RIN3: variants seen among roughly 807,000 people sequenced by gnomAD.
RIN3 encodes Ras and Rab interactor 3, also known as RAB5 interacting protein 3.
A neutral mutation model predicts 76.3 loss-of-function variants in RIN3; 54 were observed. That is an observed-to-expected ratio of 0.71 (90% CI 0.57 to 0.89). RIN3 has a LOEUF of 0.89. RIN3 is among the 40% of genes least tolerant of loss of function. RIN3 has a pLI of 0.00. For synonymous variants in RIN3, 576 were observed against 564.0 expected, an observed-to-expected ratio of 1.02 and a Z score of -0.30; for missense variants, 1,256 against 1,322.1, an observed-to-expected ratio of 0.95 and a Z score of 0.78.
At chr14:92,622,346 C>T (rs987894013) in intron 4 of RIN3, among the ~76,000 whole-genome samples, 1 of 152,194 alleles carries the variant, frequency 6.6e-6, no homozygotes, top group African/African-American at 2.4e-5. Context: ...CCCTCCAGAG[C>T]CTGCTATGAG....
In RIN3 at chr14:92,688,198, C is replaced by T. The variant is rs749641510; in HGVS notation, c.2904C>T (p.Gly968=). The T allele has an allele frequency of 3.4e-5, 47 of 1,380,230 alleles. No individual in the cohort carries two copies. The highest frequency in any genetic ancestry group is 5.3e-5 in the Admixed American group (3 of 56,530). The allele number at this position is 1,380,230 out of a possible 1,614,324, so 85.5% of individuals were successfully genotyped here. The change falls in exon 10 of 10, where the codon GGC becomes GGT. Residue 968 remains glycine (G), a synonymous_variant. Coordinates refer to ENST00000216487, the MANE Select transcript of RIN3 (RefSeq NM_024832.5). ...FVYRPLDGGG[G]GGGGSPPCLV... ...ACCGGCCCCTGGACGGTGGTGGCGGCGGCGGCGGCGGGAGCCCGCCCTGCC... is the reference window on the plus strand; with the variant it reads ...ACCGGCCCCTGGACGGTGGTGGCGGTGGCGGCGGCGGGAGCCCGCCCTGCC...
chr14:92,638,647 A>C (rs1470967931), intron 4 of RIN3, among the ~76,000 whole-genome samples: 3 of 152,174 alleles, frequency 2.0e-5, no homozygotes, highest in Non-Finnish European at 2.9e-5. Context: ...CTTGGGATGA[A>C]TGTTGCCACC....
chr14:92,574,460 G>C (rs746038938), intron 2 of RIN3, among the ~76,000 whole-genome samples: 8 of 152,340 alleles, frequency 5.3e-5, no homozygotes, highest in Non-Finnish European at 7.3e-5. Context: ...CTGGCTTCCA[G>C]GTAGCCCTTT....
intron 1 of RIN3, among the ~76,000 whole-genome samples, chr14:92,526,454 G>A (rs1896733318): frequency 6.7e-6 from 1 of 149,564 alleles, no homozygotes; most frequent in South Asian, 2.1e-4. Context: ...GTGAGACCCT[G>A]TCTTAAAAAA....
intron 6 of RIN3, among the ~76,000 whole-genome samples, chr14:92,655,026 G>C (rs1053653786): frequency 1.3e-5 from 2 of 152,116 alleles, no homozygotes; most frequent in Non-Finnish European, 2.9e-5. Context: ...TTAGCCAGGT[G>C]TGGTGGCGCG....
intron 3 of RIN3, among the ~76,000 whole-genome samples, chr14:92,604,100 G>A (rs983521126): frequency 1.3e-5 from 2 of 152,214 alleles, no homozygotes; most frequent in Non-Finnish European, 2.9e-5. Context: ...TGGGGAAGGC[G>A]CCTGCCCCTT....
intron 8 of RIN3, among the ~76,000 whole-genome samples, chr14:92,679,093 C>G (rs1888577210): frequency 6.6e-6 from 1 of 152,224 alleles, no homozygotes; most frequent in African/African-American, 2.4e-5. Flanking sequence ...GAGAGCATGT[C>G]AATTCTGGGC....
At chr14:92,585,650 GT>G (rs1428575610) in intron 3 of RIN3, among the ~76,000 whole-genome samples, 1 of 152,108 alleles carries the variant, frequency 6.6e-6, no homozygotes. Flanking sequence ...TTTGTTGTTT[GT>G]TTTCACGGTC....
intron 3 of RIN3, among the ~76,000 whole-genome samples, chr14:92,597,547 GCAAA>G (rs1390247447): frequency 6.6e-6 from 1 of 152,192 alleles, no homozygotes; most frequent in East Asian, 1.9e-4. Context: ...TTGAACTTGG[GCAAA>G]TTCCTGAGCC....
chr14:92,645,951 C>CA lies in RIN3; in HGVS notation c.532+4636dup, dbSNP rs35439699. Reference sequence around the variant, plus strand: ...TGGGTGACAGAACGAGACTCTCTCTCAAAAAAAAAAAAAAGCTCTAAAATT... The same window carrying CA: ...TGGGTGACAGAACGAGACTCTCTCTCAAAAAAAAAAAAAAAGCTCTAAAATT... On this transcript the variant is annotated intron_variant, in intron 5 of 9. Coordinates refer to ENST00000216487, the MANE Select transcript of RIN3 (RefSeq NM_024832.5). Among the ~76,000 whole-genome samples, 16 of 139,618 alleles carry CA rather than the reference C, an allele frequency of 1.1e-4. No homozygotes were observed. The East Asian group carries it at 1.2e-3, about 11-fold the overall frequency. 91.6% of individuals were successfully genotyped at this position (139,618 alleles called of 152,430 possible). A position where few individuals can be genotyped will look rare whatever the true frequency, so the allele number is the denominator to read the frequency against.
Position 92,656,438 on chromosome 14 carries a change from G to A in RIN3, c.2027-2723G>A, listed in dbSNP as rs1216992411. Among the ~76,000 whole-genome samples, 1 of 152,150 alleles carries A rather than the reference G, an allele frequency of 6.6e-6. No homozygotes were observed. The highest frequency in any genetic ancestry group is 1.9e-4 in the East Asian group (1 of 5,186). ...CTGCGGCGGGGCAAGGCCAGTACCC[G>A]GTGGCCTTCAGCAGAGCAAAGGAGG... On this transcript the variant is annotated intron_variant, in intron 6 of 9. Transcript: ENST00000216487. This position sits in a 1 kb window ranked among gnomAD's most constrained non-coding sequence, Gnocchi z 5.2.
At chr14:92,622,431 C>T (rs1228188146) in intron 4 of RIN3, among the ~76,000 whole-genome samples, 2 of 152,212 alleles carry the variant, frequency 1.3e-5, no homozygotes, top group East Asian at 3.8e-4. Context: ...CCTTCCCATC[C>T]TTCCTGTTCT....
Position 92,656,393 on chromosome 14 carries a change from CAG to C in RIN3, c.2027-2767_2027-2766del, listed in dbSNP as rs996080532. 2.6e-5 allele frequency among the ~76,000 whole-genome samples: 4 copies of C among 152,118 alleles called. No homozygotes were observed. The highest frequency in any genetic ancestry group is 7.2e-5 in the African/African-American group (3 of 41,428). Reference sequence around the variant, plus strand: ...GGAGGGCAGAGGAGAGGGGACAAGACAGGGGGACGGCTCAGGAGGCTGCGGCG... The same window carrying C: ...GGAGGGCAGAGGAGAGGGGACAAGACGGGGACGGCTCAGGAGGCTGCGGCG... On this transcript the variant is annotated intron_variant, in intron 6 of 9. Coordinates refer to ENST00000216487, the MANE Select transcript of RIN3 (RefSeq NM_024832.5). The surrounding 1 kb of genome is among the most constrained non-coding windows in gnomAD (Gnocchi z 5.2).
In RIN3 at chr14:92,688,857, GCTCCGCGGACC is replaced by G. The variant is rs894358039; in HGVS notation, c.*607_*617del. On this transcript the variant is annotated 3_prime_UTR_variant, in exon 10 of 10. Coordinates refer to ENST00000216487, the MANE Select transcript of RIN3 (RefSeq NM_024832.5). ...CACGCCAGGGCGCCAAGCACGGCCA[GCTCCGCGGACC>G]CATGGACAAGCCCAGCCCCGCCTCA... 1 of 153,888 alleles carries G rather than the reference GCTCCGCGGACC, an allele frequency of 6.5e-6. No individual in the cohort carries two copies. The highest frequency in any genetic ancestry group is 1.4e-5 in the Non-Finnish European group (1 of 69,340). The allele number at this position is 153,888 out of a possible 1,614,324, so 9.5% of individuals were successfully genotyped here. A position where few individuals can be genotyped will look rare whatever the true frequency, so the allele number is the denominator to read the frequency against.
At chr14:92,614,622 C>T (rs927313234) in intron 3 of RIN3, among the ~76,000 whole-genome samples, 1 of 151,712 alleles carries the variant, frequency 6.6e-6, no homozygotes, top group Non-Finnish European at 1.5e-5. Flanking sequence ...GGCGGTTTCC[C>T]CCATACTGTT....
intron 3 of RIN3, among the ~76,000 whole-genome samples, chr14:92,602,073 C>T (rs113694374): frequency 8.7e-4 from 133 of 152,310 alleles, no homozygotes; most frequent in African/African-American, 2.9e-3. Context: ...CTTGCAGCAA[C>T]GACGAGCCCT....
At chr14:92,562,984 A>G (rs1435279393) in intron 2 of RIN3, among the ~76,000 whole-genome samples, 1 of 152,092 alleles carries the variant, frequency 6.6e-6, no homozygotes, top group African/African-American at 2.4e-5. Context: ...TGTGATATAG[A>G]CCAGCCATCT....
chr14:92,555,804 G>A lies in RIN3; in HGVS notation c.98G>A (p.Arg33Gln). The change falls in exon 2 of 10, where the codon CGG (arginine) becomes CAG (glutamine). Residue 33 changes from arginine to glutamine, a missense_variant. Arg to Gln is a conservative substitution (Grantham distance 43). This residue lies in a region of RIN3 where 610 missense variants were observed against 626.4 expected (regional missense o/e 0.97). Coordinates refer to ENST00000216487, the MANE Select transcript of RIN3 (RefSeq NM_024832.5). ...GEEEEEEDGM[R>Q]LCLPANPKNC... ...GAAGAGGAAGAGGAAGATGGCATGCGGCTTTGTCTGCCAGCCAACCCGAAA... is the reference window on the plus strand; with the variant it reads ...GAAGAGGAAGAGGAAGATGGCATGCAGCTTTGTCTGCCAGCCAACCCGAAA... The A allele has an allele frequency of 5.0e-6, 8 of 1,614,176 alleles. No homozygotes were observed. Among genetic ancestry groups the A allele is most frequent in the African/African-American group, 1.3e-5 (1 of 75,044 alleles).
In RIN3 at chr14:92,651,356, C is replaced by T. The variant is rs759712101; in HGVS notation, c.533-226C>T. On this transcript the variant is annotated intron_variant, in intron 5 of 9. Coordinates refer to ENST00000216487, the MANE Select transcript of RIN3 (RefSeq NM_024832.5). ...TTATCACATCACCCCCGGCCTCACC[C>T]TACACTGCTGGGGAGGACTGAGTGG... 2.3e-4 allele frequency among the ~76,000 whole-genome samples: 35 copies of T among 152,298 alleles called. No individual in the cohort carries two copies. In the Middle Eastern group the frequency reaches 0.01, roughly 44 times the overall value.
Sources: allele counts gnomAD v4.1 joint callset (sites outside exome capture counted in the v4.1 genomes callset), GRCh38; gene constraint gnomAD v4.1.1; regional missense constraint gnomAD v4.1.1; non-coding constraint Gnocchi (gnomAD v3.1); transcripts MANE v1.5; gene names NCBI Gene and HGNC (gene_info 2026-07-23, HGNC 2026-07-21).